GABRB3: variants seen among roughly 807,000 people sequenced by gnomAD.
The protein encoded by GABRB3 is gamma-aminobutyric acid receptor subunit beta-3.
A neutral mutation model predicts 52.1 loss-of-function variants in GABRB3; 14 were observed. The ratio of observed to expected loss-of-function variants is 0.27; its 90% CI spans 0.18 to 0.42. The LOEUF (loss-of-function observed/expected upper bound fraction) is 0.42. Among genes scored for constraint, GABRB3 ranks in the 10% least tolerant of loss-of-function variants. The pLI, the probability that GABRB3 is intolerant of heterozygous loss-of-function variation, is 1.00. For missense variants in GABRB3, 307 were observed against 609.1 expected, an observed-to-expected ratio of 0.50 and a Z score of 5.22; for synonymous variants, 260 against 232.3, an observed-to-expected ratio of 1.12 and a Z score of -1.08.
At chr15:26,756,240 T>C (rs976085703) in intron 3 of GABRB3, among the ~76,000 whole-genome samples, 1 of 152,038 alleles carries the variant, frequency 6.6e-6, no homozygotes, top group Non-Finnish European at 1.5e-5. Flanking sequence ...ATAATGATCT[T>C]ATCGACTCCA....
intron 3 of GABRB3, among the ~76,000 whole-genome samples, chr15:26,641,621 C>T (rs1211776321): frequency 6.6e-6 from 1 of 152,360 alleles, no homozygotes; most frequent in East Asian, 1.9e-4. Context: ...TCACATCTGC[C>T]TCTGGTCATT....
At chr15:26,655,922 C>G (rs1160015069) in intron 3 of GABRB3, among the ~76,000 whole-genome samples, 1 of 152,078 alleles carries the variant, frequency 6.6e-6, no homozygotes, top group Non-Finnish European at 1.5e-5. Flanking sequence ...TAATCTGCAT[C>G]ATTGTTTTTT....
At chr15:26,725,309 A>G (rs1428441624) in intron 3 of GABRB3, among the ~76,000 whole-genome samples, 1 of 152,144 alleles carries the variant, frequency 6.6e-6, no homozygotes, top group Non-Finnish European at 1.5e-5. Flanking sequence ...CAGTCTTTAA[A>G]TAAGTTTATA....
At chr15:26,635,890 C>A (rs1490440298) in intron 3 of GABRB3, among the ~76,000 whole-genome samples, 1 of 152,216 alleles carries the variant, frequency 6.6e-6, no homozygotes, top group Non-Finnish European at 1.5e-5. Flanking sequence ...TTTCTAGTTT[C>A]TGTGCAGAAC....
At chr15:26,591,555 G>A (rs1465756127) in intron 4 of GABRB3, among the ~76,000 whole-genome samples, 1 of 152,160 alleles carries the variant, frequency 6.6e-6, no homozygotes, top group Non-Finnish European at 1.5e-5. Flanking sequence ...TGGCAATAGT[G>A]CTCAAGCCAG....
chr15:26,761,826 C>A (rs1027538008), intron 3 of GABRB3, among the ~76,000 whole-genome samples: 3 of 151,516 alleles, frequency 2.0e-5, no homozygotes, highest in Non-Finnish European at 3.0e-5. Context: ...CACCTCTATC[C>A]CTCTTATTTA....
chr15:26,760,469 T>C lies in GABRB3; in HGVS notation c.240+11933A>G, dbSNP rs78569762. ...GGGTGAGCTTGAAAGCTAAACCCTC[T>C]ATGTTCTCTAAAGGCAAAATACCCT... is the stretch of plus-strand genomic sequence containing the variant. On this transcript the variant is annotated intron_variant, in intron 3 of 8. Coordinates refer to ENST00000311550, the MANE Select transcript of GABRB3 (RefSeq NM_000814.6). Among the ~76,000 whole-genome samples the C allele has an allele frequency of 9.5e-3, 1,441 of 152,288 alleles. 28 individuals carry two copies. Among genetic ancestry groups the C allele is most frequent in the African/African-American group, 0.032 (1,309 of 41,544 alleles).
At chr15:26,641,516 T>A (rs562281052) in intron 3 of GABRB3, among the ~76,000 whole-genome samples, 1 of 152,374 alleles carries the variant, frequency 6.6e-6, no homozygotes, top group East Asian at 1.9e-4. Context: ...AGCATTCCTA[T>A]GGAATACAAA....
At chr15:26,747,092 T>C (rs184434819) in intron 3 of GABRB3, among the ~76,000 whole-genome samples, 10 of 152,368 alleles carry the variant, frequency 6.6e-5, no homozygotes, top group East Asian at 3.9e-4. Context: ...TGTGGTAATA[T>C]AGCAAGCGTA....
intron 3 of GABRB3, among the ~76,000 whole-genome samples, chr15:26,707,755 G>C (rs1458984920): frequency 6.6e-6 from 1 of 152,128 alleles, no homozygotes; most frequent in African/African-American, 2.4e-5. Flanking sequence ...GCAAGTAGGT[G>C]GACATAGGCC....
chr15:26,632,683 G>A (rs1409183223), intron 3 of GABRB3, among the ~76,000 whole-genome samples: 1 of 152,162 alleles, frequency 6.6e-6, no homozygotes, highest in Non-Finnish European at 1.5e-5. Context: ...CGTCGGTGTT[G>A]AGTGTGCTGG....
intron 3 of GABRB3, among the ~76,000 whole-genome samples, chr15:26,742,562 G>C (rs927399038): frequency 6.6e-6 from 1 of 152,208 alleles, no homozygotes; most frequent in Non-Finnish European, 1.5e-5. Flanking sequence ...AACACCTTAA[G>C]TAGACTATCC....
At chr15:26,605,212 A>G (rs2140506890) in intron 4 of GABRB3, among the ~76,000 whole-genome samples, 2 of 152,326 alleles carry the variant, frequency 1.3e-5, no homozygotes, top group Middle Eastern at 6.8e-3. Flanking sequence ...CTACAATGAG[A>G]TACCATCTCA....
intron 7 of GABRB3, among the ~76,000 whole-genome samples, chr15:26,565,250 T>C (rs1890123684): frequency 6.6e-6 from 1 of 152,172 alleles, no homozygotes; most frequent in African/African-American, 2.4e-5. Flanking sequence ...CAACTGACAT[T>C]TCCCAGTGAC....
At position 26,545,151 on chromosome 15, in the gene GABRB3, C is replaced by A. The variant is rs1595425621; in HGVS notation, c.*2642G>T. On this transcript the variant is annotated 3_prime_UTR_variant, in exon 9 of 9. Coordinates refer to ENST00000311550, the MANE Select transcript of GABRB3 (RefSeq NM_000814.6). ...GTAAAGCAAACACATACCCAAGGAT[C>A]TTAAAAAGTTTTTTTTTGTTTTTAC... 6.6e-6 allele frequency: 1 copy of A among 152,316 alleles called. No homozygotes were observed. The highest frequency in any genetic ancestry group is 1.9e-4 in the East Asian group (1 of 5,170). The allele number at this position is 152,316 out of a possible 1,614,324, so 9.4% of individuals were successfully genotyped here.
Position 26,772,995 on chromosome 15 carries a change from C to A in GABRB3, c.-33G>T. 7.5e-7 allele frequency: 1 copy of A among 1,335,536 alleles called. No individual in the cohort carries two copies. The highest frequency in any genetic ancestry group is 9.7e-7 in the Non-Finnish European group (1 of 1,032,996). 82.7% of individuals were successfully genotyped at this position (1,335,536 alleles called of 1,614,324 possible). ...CCGCGCCCCGGCACGGGGGAGGGGG[C>A]GCCCCGCCGCCGTCGCGACCCGCAG... On this transcript the variant is annotated 5_prime_UTR_variant, in exon 1 of 9. Transcript: ENST00000311550.
At chr15:26,687,450 G>A (rs916196368) in intron 3 of GABRB3, among the ~76,000 whole-genome samples, 3 of 152,040 alleles carry the variant, frequency 2.0e-5, no homozygotes, top group Non-Finnish European at 2.9e-5. Context: ...CTAAATCAGC[G>A]TGACCTGACA....
intron 4 of GABRB3, among the ~76,000 whole-genome samples, chr15:26,602,870 G>A (rs1819686408): frequency 1.3e-5 from 2 of 151,730 alleles, no homozygotes; most frequent in Admixed American, 6.6e-5. Flanking sequence ...AAAAGCAAGA[G>A]CAAACAAAAC....
At chr15:26,651,393 G>C (rs1159878430) in intron 3 of GABRB3, among the ~76,000 whole-genome samples, 2 of 152,214 alleles carry the variant, frequency 1.3e-5, no homozygotes, top group Non-Finnish European at 2.9e-5. Flanking sequence ...TTCAGCCTTA[G>C]TATCATCCTT....
Sources: allele counts gnomAD v4.1 joint callset (sites outside exome capture counted in the v4.1 genomes callset), GRCh38; gene constraint gnomAD v4.1.1; transcripts MANE v1.5; gene names NCBI Gene and HGNC (gene_info 2026-07-23, HGNC 2026-07-21).